Variants in VWA2 observed in about 807,000 individuals in gnomAD.
The protein encoded by VWA2 is von Willebrand factor A domain containing 2.
VWA2 carries 73 observed loss-of-function variants against 70.4 expected under a neutral mutation model. That is an observed-to-expected ratio of 1.04 (90% confidence interval 0.86 to 1.26). The LOEUF is 1.26. Among genes scored for constraint, VWA2 ranks in the 50% most tolerant of loss-of-function variants. VWA2 has a pLI of 0.00. For synonymous variants in VWA2, 407 were observed against 423.3 expected, an observed-to-expected ratio of 0.96 and a Z score of 0.47; for missense variants, 1,011 against 998.5, an observed-to-expected ratio of 1.01 and a Z score of -0.17.
rs781146365 is a variant in VWA2 at position 114,288,971 on chromosome 10, T to C, written c.1604T>C (p.Met535Thr). ...ACACAAGCCCTGGACCTCGTCTTCATGTTGGACACCTCTGCCTCAGTAGGG... is the reference window on the plus strand; with the variant it reads ...ACACAAGCCCTGGACCTCGTCTTCACGTTGGACACCTCTGCCTCAGTAGGG... ...CRTQALDLVF[M>T]LDTSASVGPE... is the part of the protein sequence containing the mutation. Residue 535 changes from methionine (M) to threonine (T), a missense_variant, in exon 12 of 14, where the codon ATG becomes ACG. Coordinates refer to ENST00000392982, the MANE Select transcript of VWA2 (RefSeq NM_001272046.2). 56 of 1,613,356 alleles carry C rather than the reference T, an allele frequency of 3.5e-5. No individual in the cohort carries two copies. The Middle Eastern group carries it at 8.2e-4, about 24-fold the overall frequency.
At chr10:114,248,166 A>G (rs1314684404) in intron 1 of VWA2, among the ~76,000 whole-genome samples, 1 of 151,916 alleles carries the variant, frequency 6.6e-6, no homozygotes, top group Non-Finnish European at 1.5e-5. Flanking sequence ...AATAATTTAG[A>G]TGATTAGTGG....
chr10:114,271,677 G>T (rs1449985890), intron 5 of VWA2, among the ~76,000 whole-genome samples: 1 of 151,810 alleles, frequency 6.6e-6, no homozygotes, highest in African/African-American at 2.4e-5. Flanking sequence ...TCAGTTGGAT[G>T]TTTTCTCATT....
Position 114,285,964 on chromosome 10 carries a change from G to A in VWA2, c.1023G>A (p.Arg341=), listed in dbSNP as rs1312716727. ...NCALKLSLEC[R]VDLLFLLDSS... The stretch of plus-strand genomic sequence containing the variant: ...CCCTGAAGCTGAGCCTGGAATGCAG[G>A]GTCGACCTCCTCTTCCTGCTGGACA... The change falls in exon 11 of 14, where the codon AGG becomes AGA. Residue 341 remains arginine, a synonymous_variant. Transcript: ENST00000392982. 2 of 1,605,964 alleles carry A rather than the reference G, an allele frequency of 1.2e-6. No individual in the cohort carries two copies. Among genetic ancestry groups the A allele is most frequent in the African/African-American group, 1.3e-5 (1 of 74,838 alleles).
rs2037915969 is a variant in VWA2, at chr10:114,278,859, T to G, written c.833+8T>G. 6.2e-7 allele frequency: 1 copy of G among 1,612,372 alleles called. No homozygotes were observed. Among genetic ancestry groups the G allele is most frequent in the South Asian group, 1.1e-5 (1 of 91,018 alleles). ...ACACTGTCCCTTCTACAGGTTTGTC[T>G]GCGCGGTCTGGGCTCGGCCTGGGTG... On this transcript the variant is annotated splice_region_variant and intron_variant, in intron 8 of 13. Coordinates refer to ENST00000392982, the MANE Select transcript of VWA2 (RefSeq NM_001272046.2).
At chr10:114,276,193 C>T (rs1219269511) in intron 6 of VWA2, among the ~76,000 whole-genome samples, 1 of 152,138 alleles carries the variant, frequency 6.6e-6, no homozygotes, top group Non-Finnish European at 1.5e-5. Flanking sequence ...AGCTGAGGGC[C>T]ATGTAGGGCT....
chr10:114,287,463 G>C (rs189208347), intron 11 of VWA2, among the ~76,000 whole-genome samples: 7 of 152,172 alleles, frequency 4.6e-5, no homozygotes, highest in African/African-American at 1.7e-4. Context: ...TTACAGGCTT[G>C]AGTGAAATGT....
Position 114,289,153 on chromosome 10 carries a change from C to T in VWA2, c.1786C>T (p.Arg596Trp), listed in dbSNP as rs372729237. The T allele has an allele frequency of 8.2e-5, 133 of 1,613,738 alleles. 1 individual carries two copies. The highest frequency in any genetic ancestry group is 7.4e-4 in the East Asian group (33 of 44,870). ...DTKPTRAAMLRAISQAPYLGG... is the reference protein window; with the variant it reads ...DTKPTRAAMLWAISQAPYLGG... The stretch of plus-strand genomic sequence containing the variant: ...CAAACCCACCCGGGCTGCGATGCTG[C>T]GGGCCATTAGCCAGGCCCCCTACCT... The change falls in exon 12 of 14, where the codon CGG becomes TGG. Residue 596 changes from arginine (R) to tryptophan (W), a missense_variant. Arg to Trp is a moderately radical substitution (Grantham distance 101). Transcript: ENST00000392982.
At chr10:114,254,279 C>G (rs559079281) in intron 3 of VWA2, among the ~76,000 whole-genome samples, 1 of 151,954 alleles carries the variant, frequency 6.6e-6, no homozygotes, top group Admixed American at 6.5e-5. Flanking sequence ...GCCATGTTAC[C>G]CAGGCTGATC....
chr10:114,289,234 A>G lies in VWA2; in HGVS notation c.1867A>G (p.Thr623Ala). Residue 623 changes from threonine to alanine, a missense_variant, in exon 12 of 14, where the codon ACC becomes GCC. Physicochemically the swap from Thr to Ala is moderately conservative, Grantham distance 58 (BLOSUM62 0). Coordinates refer to ENST00000392982, the MANE Select transcript of VWA2 (RefSeq NM_001272046.2). ...GCTGCACATCTATGACAAAGTGATG[A>G]CCGTCCAGAGGGGTGCCCGGCCTGG... is the stretch of plus-strand genomic sequence containing the variant. ...ALLHIYDKVM[T>A]VQRGARPGVP... 6.2e-7 allele frequency: 1 copy of G among 1,613,952 alleles called. No individual in the cohort carries two copies. The highest frequency in any genetic ancestry group is 8.5e-7 in the Non-Finnish European group (1 of 1,179,932).
chr10:114,246,328 C>T (rs182732740), intron 1 of VWA2: 8 of 574,244 alleles, frequency 1.4e-5, no homozygotes, highest in South Asian at 1.1e-4. Flanking sequence ...TGGTGAAACC[C>T]CGTCTCTACT....
At chr10:114,256,692 C>T (rs1042641572) in intron 4 of VWA2, among the ~76,000 whole-genome samples, 4 of 152,074 alleles carry the variant, frequency 2.6e-5, no homozygotes, top group African/African-American at 9.7e-5. Context: ...GGGTGGATCA[C>T]GAGGTCAGGA....
chr10:114,294,454 T>C lies in VWA2; in HGVS notation c.*3217T>C, dbSNP rs2039886438. Among the ~76,000 whole-genome samples the C allele has an allele frequency of 6.6e-6, 1 of 152,222 alleles. No individual in the cohort carries two copies. Among genetic ancestry groups the C allele is most frequent in the Non-Finnish European group, 1.5e-5 (1 of 68,036 alleles). ...CTCTTTAATGAACCCGATTTTGATT[T>C]TGTCATTTTTAAAATAAACACATTT... is the stretch of plus-strand genomic sequence containing the variant. On this transcript the variant is annotated 3_prime_UTR_variant, in exon 14 of 14. Coordinates refer to ENST00000392982, the MANE Select transcript of VWA2 (RefSeq NM_001272046.2).
At position 114,261,186 on chromosome 10, in the gene VWA2, G is replaced by A; in HGVS notation, c.262G>A (p.Val88Ile). The A allele has an allele frequency of 6.2e-7, 1 of 1,611,126 alleles. No individual in the cohort carries two copies. The highest frequency in any genetic ancestry group is 8.5e-7 in the Non-Finnish European group (1 of 1,177,478). The change falls in exon 5 of 14, where the codon GTC (valine) becomes ATC (isoleucine). Residue 88 changes from valine to isoleucine, a missense_variant and splice_region_variant. Transcript: ENST00000392982. ...CDGLDISPERVRVGAFQFSST... is the reference protein window; with the variant it reads ...CDGLDISPERIRVGAFQFSST... The stretch of plus-strand genomic sequence containing the variant: ...CTGAGCCCCCTGTCTCCTACTGCAG[G>A]TCAGAGTGGGAGCATTCCAGTTCAG...
chr10:114,256,187 C>G (rs910161020), intron 4 of VWA2, among the ~76,000 whole-genome samples: 3 of 152,170 alleles, frequency 2.0e-5, no homozygotes, highest in Non-Finnish European at 4.4e-5. Flanking sequence ...TGTGTATAAA[C>G]TGTAAAATAT....
At chr10:114,248,639 G>T (rs1407843636) in intron 1 of VWA2, 65 bp from the exon 2 acceptor site, 17 of 1,399,126 alleles carry the variant, frequency 1.2e-5, no homozygotes, top group Admixed American at 1.7e-5. Flanking sequence ...TTGTTTGGCG[G>T]TGTGACTTGG....
At chr10:114,276,824 C>T (rs1467666897) in intron 6 of VWA2, among the ~76,000 whole-genome samples, 2 of 152,018 alleles carry the variant, frequency 1.3e-5, no homozygotes, top group East Asian at 3.9e-4. Flanking sequence ...TGGTCTCTTT[C>T]CGCCTTTTGA....
At chr10:114,278,695 T>TGTGG (rs765739365) in intron 7 of VWA2, 24 bp from the exon 8 acceptor site, 1 of 1,612,518 alleles carries the variant, frequency 6.2e-7, no homozygotes, top group Non-Finnish European at 8.5e-7. Context: ...CCTCCGTGGG[T>TGTGG]GTGGGTGTGT....
intron 1 of VWA2, among the ~76,000 whole-genome samples, chr10:114,247,606 T>A (rs1014468868): frequency 6.6e-6 from 1 of 151,236 alleles, no homozygotes; most frequent in Non-Finnish European, 1.5e-5. Flanking sequence ...GCTTATTTTT[T>A]AAAAAACACT....
rs144974085 is a variant in VWA2, at chr10:114,282,017, C to CTTTTTTTTTTTTTTTTTTTT, written c.834-489_834-488insTTTTTTTTTTTTTTTTTTTT. 1.3e-4 allele frequency among the ~76,000 whole-genome samples: 15 copies of CTTTTTTTTTTTTTTTTTTTT among 119,694 alleles called. 1 individual carries two copies. Among genetic ancestry groups the CTTTTTTTTTTTTTTTTTTTT allele is most frequent in the South Asian group, 2.7e-4 (1 of 3,752 alleles). 78.5% of individuals were successfully genotyped at this position (119,694 alleles called of 152,430 possible). On this transcript the variant is annotated intron_variant, in intron 8 of 13. Coordinates refer to ENST00000392982, the MANE Select transcript of VWA2 (RefSeq NM_001272046.2). ...AAATGTGATAGCCAGCTTATGTTAC[C>CTTTTTTTTTTTTTTTTTTTT]TTTTTTTTTTGAGATGGAGTCTTAC... is the stretch of plus-strand genomic sequence containing the variant.
Sources: gnomAD v4.1 joint callset for allele counts (sites outside exome capture counted in the v4.1 genomes callset) on GRCh38, gnomAD v4.1.1 for gene constraint, MANE v1.5 for transcripts, NCBI Gene and HGNC (gene_info 2026-07-23, HGNC 2026-07-21) for gene names.